The following ITGB1 variants were observed in gnomAD, a reference collection of about 807,000 sequenced individuals.
ITGB1 encodes integrin subunit beta 1, also known as integrin beta-1.
In ITGB1, 24 loss-of-function variants were observed where a neutral mutation model predicts 86.5. The ratio of observed to expected loss-of-function variants is 0.28; its 90% confidence interval spans 0.20 to 0.39. The LOEUF is 0.39. ITGB1 is among the 10% of genes least tolerant of loss of function. The probability of loss-of-function intolerance (pLI) is 1.00; values close to 1 mark genes in which losing one functional copy is unlikely to be tolerated. For missense variants in ITGB1, 556 were observed against 946.9 expected (o/e 0.59, Z 5.42); for synonymous variants, 323 against 316.8 (o/e 1.02, Z -0.21).
At chr10:32,953,195 C>T (rs2095045907) in intron 1 of ITGB1, among the ~76,000 whole-genome samples, 2 of 152,162 alleles carry the variant, frequency 1.3e-5, no homozygotes, top group African/African-American at 4.8e-5. Context: ...CCACACAAGC[C>T]AATGCTGAGA....
chr10:32,923,650 T>C lies in ITGB1; in HGVS notation c.877A>G (p.Ile293Val). 6.2e-7 allele frequency: 1 copy of C among 1,613,892 alleles called. No homozygotes were observed. Among genetic ancestry groups the C allele is most frequent in the Non-Finnish European group, 8.5e-7 (1 of 1,179,884 alleles). Reference protein sequence around the residue: ...HFAGDGKLGGIVLPNDGQCHL... With the variant: ...HFAGDGKLGGVVLPNDGQCHL... The stretch of plus-strand genomic sequence containing the variant: ...CATTGTCCATCATTTGGTAAAACAA[T>C]GCCACCAAGTTTCCCATCTCCAGCA... Residue 293 changes from isoleucine (I) to valine (V), a missense_variant, in exon 7 of 16, where the codon ATT (isoleucine) becomes GTT (valine). Transcript: ENST00000302278.
chr10:32,938,783 G>A (rs534994303), intron 1 of ITGB1, among the ~76,000 whole-genome samples: 1 of 152,318 alleles, frequency 6.6e-6, no homozygotes, highest in African/African-American at 2.4e-5. Context: ...TGTAAAAGGC[G>A]AGGCTTTCTC....
intron 8 of ITGB1, 100 bp from the exon 9 acceptor site, chr10:32,922,446 TTCC>T: frequency 1.1e-6 from 1 of 873,004 alleles, no homozygotes; most frequent in Non-Finnish European, 1.9e-6. Context: ...GTTCCCATGT[TTCC>T]TCCTAACTAA....
At chr10:32,928,594 C>G (rs1423414862) in intron 4 of ITGB1, among the ~76,000 whole-genome samples, 1 of 152,094 alleles carries the variant, frequency 6.6e-6, no homozygotes, top group Non-Finnish European at 1.5e-5. Flanking sequence ...AGGCAGAACA[C>G]GTGATAGGGT....
rs553154588 is a variant in ITGB1 at position 32,952,164 on chromosome 10, A to G, written c.-1+5981T>C. 3.3e-5 allele frequency among the ~76,000 whole-genome samples: 5 copies of G among 152,304 alleles called. No homozygotes were observed. In the South Asian group the frequency reaches 8.3e-4, roughly 25 times the overall value. The stretch of plus-strand genomic sequence containing the variant: ...GCTGTAAACAGTATCTAATTGTTGG[A>G]AAGATAAAATATGATCATTATATGA... On this transcript the variant is annotated intron_variant, in intron 1 of 15. Transcript: ENST00000302278.
intron 1 of ITGB1, among the ~76,000 whole-genome samples, chr10:32,953,993 AC>A (rs923419855): frequency 6.6e-6 from 1 of 150,604 alleles, no homozygotes; most frequent in Non-Finnish European, 1.5e-5. Flanking sequence ...CTCTTCCTCC[AC>A]CCCCCCTTGA....
At chr10:32,924,953 A>G (rs1358897584) in intron 6 of ITGB1, among the ~76,000 whole-genome samples, 1 of 152,246 alleles carries the variant, frequency 6.6e-6, no homozygotes, top group African/African-American at 2.4e-5. Context: ...GGAGAGGCTG[A>G]GTAAATTGCC....
At chr10:32,926,430 G>A (rs766103510) in intron 5 of ITGB1, among the ~76,000 whole-genome samples, 17 of 152,272 alleles carry the variant, frequency 1.1e-4, no homozygotes, top group Middle Eastern at 6.8e-3. Flanking sequence ...CGGCCTGGTG[G>A]AAGGTATTTC....
At position 32,930,391 on chromosome 10, in the gene ITGB1, T is replaced by C. The variant is rs558862576; in HGVS notation, c.154-347A>G. On this transcript the variant is annotated intron_variant, in intron 3 of 15. Transcript: ENST00000302278. Reference sequence around the variant, plus strand: ...AATAATGTATACATACACCCAAATATCAGATCATTTCTCCAAAATTTCCCT... The same window carrying C: ...AATAATGTATACATACACCCAAATACCAGATCATTTCTCCAAAATTTCCCT... 1.4e-3 allele frequency among the ~76,000 whole-genome samples: 217 copies of C among 152,242 alleles called. 1 individual carries two copies. Among genetic ancestry groups the C allele is most frequent in the African/African-American group, 5.0e-3 (206 of 41,538 alleles).
chr10:32,922,501 T>C, intron 8 of ITGB1, 139 bp downstream of exon 8: 1 of 755,020 alleles, frequency 1.3e-6, no homozygotes, highest in Non-Finnish European at 2.2e-6. Flanking sequence ...TAATATGTGA[T>C]TAAAAATTAA....
chr10:32,913,158 T>A (rs910838893), intron 11 of ITGB1, among the ~76,000 whole-genome samples: 1 of 152,182 alleles, frequency 6.6e-6, no homozygotes, highest in Non-Finnish European at 1.5e-5. Context: ...AAACCCCATC[T>A]GTACATCACC....
chr10:32,957,545 AC>A (rs1199406273), intron 1 of ITGB1, among the ~76,000 whole-genome samples: 1 of 152,056 alleles, frequency 6.6e-6, no homozygotes, highest in Non-Finnish European at 1.5e-5. Context: ...GCCAACTTCT[AC>A]CCGGCTCCCG....
intron 15 of ITGB1, among the ~76,000 whole-genome samples, chr10:32,904,372 A>C (rs1402720690): frequency 6.6e-6 from 1 of 152,204 alleles, no homozygotes; most frequent in Non-Finnish European, 1.5e-5. Flanking sequence ...CTCACTCTGG[A>C]ATGGCTGACA....
chr10:32,907,973 G>A (rs2094901779), intron 15 of ITGB1, among the ~76,000 whole-genome samples: 1 of 152,140 alleles, frequency 6.6e-6, no homozygotes, highest in Non-Finnish European at 1.5e-5. Context: ...ATAACCTTTT[G>A]AATCTGGCTT....
At chr10:32,930,731 C>CA (rs1565827530) in intron 3 of ITGB1, among the ~76,000 whole-genome samples, 1 of 151,284 alleles carries the variant, frequency 6.6e-6, no homozygotes, top group African/African-American at 2.4e-5. Flanking sequence ...AGGTAAATTT[C>CA]AAAAAAGGAA....
chr10:32,921,404 C>T (rs1160899780), intron 9 of ITGB1, among the ~76,000 whole-genome samples: 1 of 152,074 alleles, frequency 6.6e-6, no homozygotes, highest in Non-Finnish European at 1.5e-5. Flanking sequence ...CTTTCCAAAC[C>T]ATTATGGTAC....
intron 15 of ITGB1, among the ~76,000 whole-genome samples, chr10:32,904,003 C>CAAAAAAAAAAAAAAAAAA (rs5784309): frequency 1.1e-5 from 1 of 93,816 alleles, no homozygotes. Context: ...AAGGGAAGGA[C>CAAAAAAAAAAAAAAAAAA]AAAAAAAAAA....
chr10:32,949,522 T>C (rs929650841), intron 1 of ITGB1, among the ~76,000 whole-genome samples: 14 of 152,220 alleles, frequency 9.2e-5, no homozygotes, highest in African/African-American at 3.4e-4. Context: ...ATTTCATAAG[T>C]ACAGACAAAG....
In ITGB1 at chr10:32,910,360, C is replaced by G; in HGVS notation, c.2027G>C (p.Arg676Pro). 1 of 1,599,836 alleles carries G rather than the reference C, an allele frequency of 6.3e-7. No homozygotes were observed. The highest frequency in any genetic ancestry group is 8.6e-7 in the Non-Finnish European group (1 of 1,167,242). ...TTGGACCGGCTGGGGTAATTTGTCCCGACTTTCTACCTTGGTAATGTTAAA... is the reference window on the plus strand; with the variant it reads ...TTGGACCGGCTGGGGTAATTTGTCCGGACTTTCTACCTTGGTAATGTTAAA... ...SYFNITKVES[R>P]DKLPQPVQPD... Residue 676 changes from arginine to proline, a missense_variant, in exon 14 of 16, where the codon CGG becomes CCG. Around this residue, in one of 4 missense-constraint regions of ITGB1, gnomAD observed 330 missense variants for 531.5 expected, o/e 0.62. Coordinates refer to ENST00000302278, the MANE Select transcript of ITGB1 (RefSeq NM_002211.4).
Sources: gnomAD v4.1 joint callset for allele counts (sites outside exome capture counted in the v4.1 genomes callset) on GRCh38, gnomAD v4.1.1 for gene constraint, gnomAD v4.1.1 regional missense constraint, MANE v1.5 for transcripts, NCBI Gene and HGNC (gene_info 2026-07-23, HGNC 2026-07-21) for gene names.